The following NIBAN2 variants were observed in gnomAD, a reference collection of about 807,000 sequenced individuals.
NIBAN2 encodes protein Niban 2.
NIBAN2 carries 36 observed loss-of-function variants against 81.8 expected under a neutral mutation model. The observed-to-expected ratio is 0.44, with a 90% CI of 0.34 to 0.58. The LOEUF is 0.58. Among genes scored for constraint, NIBAN2 ranks in the 20% least tolerant of loss-of-function variants. The pLI, the probability that NIBAN2 is intolerant of heterozygous loss-of-function variation, is 0.02. For missense variants in NIBAN2, 897 were observed against 1,014.1 expected, an observed-to-expected ratio of 0.88 and a Z score of 1.57; for synonymous variants, 445 against 441.6, an observed-to-expected ratio of 1.01 and a Z score of -0.10.
chr9:127,570,643 G>A (rs1837936265), upstream of NIBAN2, among the ~76,000 whole-genome samples: 1 of 152,222 alleles, frequency 6.6e-6, no homozygotes, highest in South Asian at 2.1e-4. Context: ...AGAACATTCT[G>A]TTTTAAGGAA....
chr9:127,554,187 A>C (rs1322786539), intron 1 of NIBAN2, among the ~76,000 whole-genome samples: 1 of 152,178 alleles, frequency 6.6e-6, no homozygotes, highest in African/African-American at 2.4e-5. Context: ...TCCTCATTCT[A>C]AAGTCCAGCT....
At chr9:127,558,513 C>G (rs1201996660) in intron 1 of NIBAN2, among the ~76,000 whole-genome samples, 1 of 152,092 alleles carries the variant, frequency 6.6e-6, no homozygotes, top group Non-Finnish European at 1.5e-5. Context: ...ATGGGGTCCT[C>G]CAGAACTAGG....
At chr9:127,513,489 G>A (rs192780553) in intron 8 of NIBAN2, among the ~76,000 whole-genome samples, 13 of 152,280 alleles carry the variant, frequency 8.5e-5, no homozygotes, top group South Asian at 2.1e-4. Flanking sequence ...ACAAGATACA[G>A]GTCATAAAGA....
chr9:127,517,057 G>A lies in NIBAN2; in HGVS notation c.811-38C>T, dbSNP rs774211700. 6.2e-7 allele frequency: 1 copy of A among 1,610,670 alleles called. No homozygotes were observed. Among genetic ancestry groups the A allele is most frequent in the Admixed American group, 1.7e-5 (1 of 59,914 alleles). ...CAGCTGAATTGGCACCAGGGCTGAG[G>A]GCACCGCACCAGCTGCAGGTCCCGT... On this transcript the variant is annotated intron_variant, in intron 7 of 13. Coordinates refer to ENST00000373312, the MANE Select transcript of NIBAN2 (RefSeq NM_022833.4). This position sits in a 1 kb window ranked among gnomAD's most constrained non-coding sequence, Gnocchi z 4.0.
chr9:127,521,578 G>A (rs111711712), intron 5 of NIBAN2, among the ~76,000 whole-genome samples: 1 of 150,514 alleles, frequency 6.6e-6, no homozygotes, highest in Admixed American at 6.6e-5. Flanking sequence ...AGCCCCCGGA[G>A]TGAGCAATTC....
chr9:127,509,358 G>A (rs1448597980), intron 9 of NIBAN2, among the ~76,000 whole-genome samples: 1 of 152,150 alleles, frequency 6.6e-6, no homozygotes, highest in Non-Finnish European at 1.5e-5. Flanking sequence ...CAGCGCTGTG[G>A]AGAGGCAGCC....
chr9:127,508,436 C>G lies in NIBAN2; in HGVS notation c.1420G>C (p.Glu474Gln). 3.7e-6 allele frequency: 6 copies of G among 1,611,974 alleles called. No individual in the cohort carries two copies. Among genetic ancestry groups the G allele is most frequent in the Non-Finnish European group, 5.1e-6 (6 of 1,179,830 alleles). Residue 474 changes from glutamate to glutamine, a missense_variant, in exon 11 of 14, where the codon GAG becomes CAG. Coordinates refer to ENST00000373312, the MANE Select transcript of NIBAN2 (RefSeq NM_022833.4). This position sits in a 1 kb window ranked among gnomAD's most constrained non-coding sequence, Gnocchi z 6.4. ...ELCKSIQRVLERVLKKYDYDS... is the reference protein window; with the variant it reads ...ELCKSIQRVLQRVLKKYDYDS... Reference sequence around the variant, plus strand: ...GGGCCGCTCACCTTCAGCACCCGCTCCAGGACCCGCTGGATGGACTTGCAC... The same window carrying G: ...GGGCCGCTCACCTTCAGCACCCGCTGCAGGACCCGCTGGATGGACTTGCAC...
intron 1 of NIBAN2, among the ~76,000 whole-genome samples, chr9:127,532,231 G>A (rs1452440273): frequency 6.6e-6 from 1 of 152,194 alleles, no homozygotes. Context: ...GTGCACTGAG[G>A]CCATAGCGGG....
At chr9:127,541,381 G>A (rs1260912381) in intron 1 of NIBAN2, among the ~76,000 whole-genome samples, 6 of 152,190 alleles carry the variant, frequency 3.9e-5, no homozygotes, top group Admixed American at 1.3e-4. Context: ...ATTATTTCAC[G>A]CACTGTCCTC....
chr9:127,528,084 T>TA (rs1340828339), intron 2 of NIBAN2, among the ~76,000 whole-genome samples: 3 of 152,084 alleles, frequency 2.0e-5, no homozygotes, highest in African/African-American at 7.2e-5. Context: ...ATGGGAACAG[T>TA]AAGAGTTGGC....
rs1299272450 is a variant in NIBAN2 at position 127,517,767 on chromosome 9, T to TC, written c.705+58dup. Reference sequence around the variant, plus strand: ...CATCTCTGTACCCCACCCCCTGCCCTCCCCTGCTGGGTCCTTGGGTGACTT... The same window carrying TC: ...CATCTCTGTACCCCACCCCCTGCCCTCCCCCTGCTGGGTCCTTGGGTGACTT... On this transcript the variant is annotated intron_variant, in intron 6 of 13. Transcript: ENST00000373312. The surrounding 1 kb of genome is among the most constrained non-coding windows in gnomAD (Gnocchi z 4.0). The TC allele has an allele frequency of 1.9e-6, 2 of 1,037,460 alleles. No homozygotes were observed. The highest frequency in any genetic ancestry group is 5.9e-5 in the East Asian group (2 of 33,786). The allele number at this position is 1,037,460 out of a possible 1,614,324, so 64.3% of individuals were successfully genotyped here.
In NIBAN2 at chr9:127,513,479, A is replaced by G. The variant is rs564359581; in HGVS notation, c.974-3146T>C. 7.3e-4 allele frequency among the ~76,000 whole-genome samples: 111 copies of G among 152,328 alleles called. 1 individual carries two copies. Among genetic ancestry groups the G allele is most frequent in the African/African-American group, 2.5e-3 (103 of 41,578 alleles). ...AAGTCATGGGATGAGATAGGTCGGC[A>G]CAAGATACAGGTCATAAAGACCATG... On this transcript the variant is annotated intron_variant, in intron 8 of 13. Coordinates refer to ENST00000373312, the MANE Select transcript of NIBAN2 (RefSeq NM_022833.4).
chr9:127,568,689 TG>T, intron 1 of NIBAN2, 130 bp downstream of exon 1: 2 of 794,254 alleles, frequency 2.5e-6, no homozygotes, highest in South Asian at 6.2e-5. Context: ...GCACGCTCCC[TG>T]GCAGCTCCCA....
In NIBAN2 at chr9:127,507,336, C is replaced by T. The variant is rs1327190124; in HGVS notation, c.1750G>A (p.Gly584Ser). 7 of 1,553,044 alleles carry T rather than the reference C, an allele frequency of 4.5e-6. No individual in the cohort carries two copies. The highest frequency in any genetic ancestry group is 5.2e-6 in the Non-Finnish European group (6 of 1,146,756). ...SDPNLHLLAE[G>S]APIDWGEEYS... ...TCCTCGCCCCAGTCGATGGGGGCGC[C>T]CTCGGCCAGCAGGTGCAGGTTGGGG... The change falls in exon 14 of 14, where the codon GGC becomes AGC. Residue 584 changes from glycine to serine, a missense_variant. Gly to Ser is a moderately conservative substitution (Grantham distance 56). Around this residue, in one of 3 missense-constraint regions of NIBAN2, gnomAD observed 619 missense variants for 691.0 expected, o/e 0.90. Coordinates refer to ENST00000373312, the MANE Select transcript of NIBAN2 (RefSeq NM_022833.4). The surrounding 1 kb of genome is among the most constrained non-coding windows in gnomAD (Gnocchi z 6.8).
chr9:127,547,855 CA>C (rs929553082), intron 1 of NIBAN2, among the ~76,000 whole-genome samples: 1 of 151,992 alleles, frequency 6.6e-6, no homozygotes, highest in South Asian at 2.1e-4. Flanking sequence ...AAAAAACAAA[CA>C]AAAAAAACCC....
At chr9:127,558,801 G>A (rs1474010926) in intron 1 of NIBAN2, among the ~76,000 whole-genome samples, 4 of 152,160 alleles carry the variant, frequency 2.6e-5, no homozygotes, top group Non-Finnish European at 4.4e-5. Context: ...TTAAATCTCT[G>A]ACAGGCCGGG....
Position 127,568,999 on chromosome 9 carries a change from GCTC to G in NIBAN2, c.-128_-126del. ...TTCCCCCGCTCCCGCCGCTCCCGCC[GCTC>G]CCGCCGCCCGGCTGCGGCTTCCGCT... is the stretch of plus-strand genomic sequence containing the variant. On this transcript the variant is annotated 5_prime_UTR_variant, in exon 1 of 14. Transcript: ENST00000373312. 9.0e-7 allele frequency: 1 copy of G among 1,113,756 alleles called. No individual in the cohort carries two copies. Among genetic ancestry groups the G allele is most frequent in the Non-Finnish European group, 1.1e-6 (1 of 916,950 alleles). 69.0% of individuals were successfully genotyped at this position (1,113,756 alleles called of 1,614,324 possible). A position where few individuals can be genotyped will look rare whatever the true frequency, so the allele number is the denominator to read the frequency against.
chr9:127,578,969 C>A, exon 1 of NIBAN2: 1 of 1,604,268 alleles, frequency 6.2e-7, no homozygotes, highest in Non-Finnish European at 8.5e-7. Context: ...AAGGAAGGGA[C>A]CGGAACTGGC....
At chr9:127,546,653 G>A (rs1019552577) in intron 1 of NIBAN2, among the ~76,000 whole-genome samples, 13 of 152,178 alleles carry the variant, frequency 8.5e-5, no homozygotes, top group Non-Finnish European at 8.8e-5. Flanking sequence ...ATCAGCCAGC[G>A]CGGGCCAAGC....
Sources: allele counts gnomAD v4.1 joint callset (sites outside exome capture counted in the v4.1 genomes callset), GRCh38; gene constraint gnomAD v4.1.1; regional missense constraint gnomAD v4.1.1; non-coding constraint Gnocchi (gnomAD v3.1); transcripts MANE v1.5; gene names NCBI Gene and HGNC (gene_info 2026-07-23, HGNC 2026-07-21).